Variants in WWOX observed in about 807,000 individuals in gnomAD.
WWOX encodes the protein WW domain containing oxidoreductase.
A neutral mutation model predicts 46.2 loss-of-function variants in WWOX; 69 were observed. The observed-to-expected ratio is 1.49, with a 90% CI of 1.23 to 1.82. The LOEUF (loss-of-function observed/expected upper bound fraction) is 1.82. WWOX is among the 40% of genes most tolerant of loss of function. The pLI is 0.00. For synonymous variants in WWOX, 359 were observed against 202.6 expected, an observed-to-expected ratio of 1.77 and a Z score of -6.56; for missense variants, 919 against 542.6, an observed-to-expected ratio of 1.69 and a Z score of -6.89.
rs1242470802 is a variant in WWOX at position 78,317,062 on chromosome 16, G to A, written c.517-69798G>A. Among the ~76,000 whole-genome samples, 11 of 152,332 alleles carry A rather than the reference G, an allele frequency of 7.2e-5. No homozygotes were observed. In the East Asian group the frequency reaches 2.1e-3, roughly 29 times the overall value. On this transcript the variant is annotated intron_variant, in intron 5 of 8. Transcript: ENST00000566780. ...TGAAGCCTGCACAGTAAGTAGGCCA[G>A]TGGTGGGATAAGGGATCCATTGGCC... is the stretch of plus-strand genomic sequence containing the variant.
Position 79,130,205 on chromosome 16 carries a change from C to G in WWOX, c.1057-81403C>G, listed in dbSNP as rs59717878. Among the ~76,000 whole-genome samples, 1,003 of 152,262 alleles carry G rather than the reference C, an allele frequency of 6.6e-3. 13 individuals carry two copies. The highest frequency in any genetic ancestry group is 0.023 in the African/African-American group (955 of 41,530). ...AACCCAGAGTGTCTGATTCCTGAAC[C>G]TGTGCTCTTGTCTCTTCCTTCAGTA... On this transcript the variant is annotated intron_variant, in intron 8 of 8. Coordinates refer to ENST00000566780, the MANE Select transcript of WWOX (RefSeq NM_016373.4).
intron 8 of WWOX, among the ~76,000 whole-genome samples, chr16:79,010,493 C>A (rs1333641448): frequency 3.3e-5 from 5 of 152,172 alleles, no homozygotes; most frequent in Admixed American, 6.5e-5. Flanking sequence ...CAGCTCCAGG[C>A]CCTGGGGATC....
chr16:78,830,204 G>C (rs927230183), intron 8 of WWOX, among the ~76,000 whole-genome samples: 4 of 152,136 alleles, frequency 2.6e-5, no homozygotes, highest in African/African-American at 9.7e-5. Context: ...GAGGATGAAG[G>C]AAAGAAGCAG....
At chr16:78,662,401 T>G (rs918897568) in intron 8 of WWOX, among the ~76,000 whole-genome samples, 3 of 152,142 alleles carry the variant, frequency 2.0e-5, no homozygotes, top group Non-Finnish European at 2.9e-5. Flanking sequence ...TTGTTCTGTT[T>G]CCCACTGAGA....
intron 8 of WWOX, among the ~76,000 whole-genome samples, chr16:78,855,647 TC>T (rs2052549034): frequency 6.6e-6 from 1 of 152,212 alleles, no homozygotes; most frequent in Non-Finnish European, 1.5e-5. Flanking sequence ...CAACCTGTCT[TC>T]TCCCAGTTTC....
chr16:78,910,409 C>T (rs117513449), intron 8 of WWOX, among the ~76,000 whole-genome samples: 20 of 151,924 alleles, frequency 1.3e-4, no homozygotes, highest in South Asian at 8.3e-4. Flanking sequence ...ATCAAGTCAC[C>T]GTGTTATGGG....
chr16:79,191,822 G>A (rs1202395153), intron 8 of WWOX, among the ~76,000 whole-genome samples: 1 of 152,100 alleles, frequency 6.6e-6, no homozygotes, highest in Non-Finnish European at 1.5e-5. Flanking sequence ...TAGCGTCTAG[G>A]GGATATACAC....
intron 6 of WWOX, among the ~76,000 whole-genome samples, chr16:78,395,289 C>T (rs1253110904): frequency 6.6e-6 from 1 of 152,178 alleles, no homozygotes; most frequent in Non-Finnish European, 1.5e-5. Context: ...GAGGCCAAGG[C>T]AGGCAGGTTG....
chr16:78,590,515 G>A (rs2045327147), intron 8 of WWOX, among the ~76,000 whole-genome samples: 1 of 152,210 alleles, frequency 6.6e-6, no homozygotes, highest in Admixed American at 6.5e-5. Flanking sequence ...TTTTTAGGGA[G>A]CAGATTAGAC....
intron 8 of WWOX, among the ~76,000 whole-genome samples, chr16:79,065,627 C>A (rs1357837794): frequency 6.6e-6 from 1 of 152,196 alleles, no homozygotes; most frequent in Non-Finnish European, 1.5e-5. Flanking sequence ...AATCTTGTGA[C>A]CTCCTATGCC....
At chr16:78,914,148 C>G (rs540048089) in intron 8 of WWOX, among the ~76,000 whole-genome samples, 6 of 152,198 alleles carry the variant, frequency 3.9e-5, no homozygotes, top group Admixed American at 6.5e-5. Context: ...TCCAAAGTCA[C>G]TACTCACAAT....
At position 78,867,889 on chromosome 16, in the gene WWOX, A is replaced by C. The variant is rs1367522505; in HGVS notation, c.1057-343719A>C. On this transcript the variant is annotated intron_variant, in intron 8 of 8. Coordinates refer to ENST00000566780, the MANE Select transcript of WWOX (RefSeq NM_016373.4). ...TCTAACCAGAAAGATTTATTATCCC[A>C]AGAGTTGTGAAAATGTGGAAGAACT... is the stretch of plus-strand genomic sequence containing the variant. 2.6e-5 allele frequency among the ~76,000 whole-genome samples: 4 copies of C among 152,280 alleles called. No individual in the cohort carries two copies. The East Asian group carries it at 7.7e-4, about 29-fold the overall frequency.
chr16:78,234,827 T>A (rs2037385043), intron 5 of WWOX, among the ~76,000 whole-genome samples: 1 of 151,610 alleles, frequency 6.6e-6, no homozygotes, highest in Admixed American at 6.6e-5. Context: ...ACAGGTCTCA[T>A]CAGCCAAGGG....
chr16:78,471,607 C>T (rs563412498), intron 8 of WWOX, among the ~76,000 whole-genome samples: 1 of 152,242 alleles, frequency 6.6e-6, no homozygotes, highest in South Asian at 2.1e-4. Flanking sequence ...TATTATTGCC[C>T]TTTTTCTTCT....
intron 8 of WWOX, chr16:78,895,512 A>T (rs1037122333): frequency 6.6e-6 from 1 of 152,160 alleles, no homozygotes; most frequent in Non-Finnish European, 1.5e-5. Flanking sequence ...CCACCAGTCT[A>T]TCAACCCTGT....
At chr16:79,025,116 C>CTTGCTTTGTT (rs1555513651) in intron 8 of WWOX, among the ~76,000 whole-genome samples, 7 of 96,618 alleles carry the variant, frequency 7.2e-5, no homozygotes, top group African/African-American at 2.5e-4. Context: ...GGAAGGTGGG[C>CTTGCTTTGTT]TTGTTTTGTT....
intron 8 of WWOX, chr16:78,496,114 G>A (rs2084912874): frequency 6.6e-6 from 1 of 152,050 alleles, no homozygotes; most frequent in Non-Finnish European, 1.5e-5. Context: ...TGGCTTTACT[G>A]ACTGCCCTCA....
intron 8 of WWOX, among the ~76,000 whole-genome samples, chr16:78,510,408 TTTGA>T (rs1815609396): frequency 6.6e-6 from 1 of 152,064 alleles, no homozygotes; most frequent in South Asian, 2.1e-4. Flanking sequence ...GTTTCACCCT[TTTGA>T]TTGGTTGGCC....
At chr16:78,934,653 T>C (rs888218928) in intron 8 of WWOX, among the ~76,000 whole-genome samples, 1 of 152,118 alleles carries the variant, frequency 6.6e-6, no homozygotes, top group Non-Finnish European at 1.5e-5. Context: ...TGTGGGGTCT[T>C]TGTGGAGGAT....
Sources: gnomAD v4.1 joint callset for allele counts (sites outside exome capture counted in the v4.1 genomes callset) on GRCh38, gnomAD v4.1.1 for gene constraint, MANE v1.5 for transcripts, NCBI Gene and HGNC (gene_info 2026-07-23, HGNC 2026-07-21) for gene names.